CLOCK: variants seen among roughly 807,000 people sequenced by gnomAD.
CLOCK encodes clock circadian regulator.
In CLOCK, 43 loss-of-function variants were observed where a neutral mutation model predicts 118.4. The ratio of observed to expected loss-of-function variants is 0.36; its 90% confidence interval spans 0.28 to 0.47. The LOEUF (loss-of-function observed/expected upper bound fraction) is 0.47. CLOCK is among the 20% of genes least tolerant of loss of function. The pLI is 1.00. For synonymous variants in CLOCK, 326 were observed against 339.2 expected, an observed-to-expected ratio of 0.96 and a Z score of 0.43; for missense variants, 846 against 999.9, an observed-to-expected ratio of 0.85 and a Z score of 2.08.
chr4:55,463,777 T>C lies in CLOCK; in HGVS notation c.467A>G (p.Asn156Ser). 2 of 1,611,316 alleles carry C rather than the reference T, an allele frequency of 1.2e-6. No individual in the cohort carries two copies. The highest frequency in any genetic ancestry group is 2.2e-5 in the South Asian group (2 of 90,974). Residue 156 changes from asparagine to serine, a missense_variant, in exon 9 of 23, where the codon AAT becomes AGT. Asn to Ser is a conservative substitution (Grantham distance 46). Around this residue, in one of 4 missense-constraint regions of CLOCK, gnomAD observed 246 missense variants for 300.2 expected, o/e 0.82. Transcript: ENST00000513440. ...PSDLVDQSIF[N>S]FIPEGEHSEV... The stretch of plus-strand genomic sequence containing the variant: ...TGAATGTTCCCCTTCTGGGATAAAA[T>C]TAAATATACTTTGATCCACAAGATC...
chr4:55,473,587 AAT>A (rs1726292014), intron 7 of CLOCK, among the ~76,000 whole-genome samples: 1 of 152,172 alleles, frequency 6.6e-6, no homozygotes, highest in African/African-American at 2.4e-5. Flanking sequence ...ACGTGGCTAT[AAT>A]CTATTTATAC....
intron 1 of CLOCK, among the ~76,000 whole-genome samples, chr4:55,510,490 G>C (rs1729069840): frequency 6.6e-6 from 1 of 152,052 alleles, no homozygotes; most frequent in African/African-American, 2.4e-5. Context: ...AGCCAGGCAT[G>C]GTGGCATGCA....
intron 19 of CLOCK, 76 bp downstream of exon 19, chr4:55,444,557 A>G: frequency 6.4e-7 from 1 of 1,572,310 alleles, no homozygotes; most frequent in Non-Finnish European, 8.7e-7. Flanking sequence ...CTCACTTTTA[A>G]TTAAGAAAAG....
intron 2 of CLOCK, among the ~76,000 whole-genome samples, chr4:55,499,074 T>C (rs1477650113): frequency 6.6e-6 from 1 of 152,234 alleles, no homozygotes; most frequent in Non-Finnish European, 1.5e-5. Flanking sequence ...AGAACTATTT[T>C]TACACTCCTT....
intron 2 of CLOCK, among the ~76,000 whole-genome samples, chr4:55,505,534 C>T (rs182492503): frequency 4.6e-5 from 7 of 151,866 alleles, no homozygotes; most frequent in South Asian, 4.2e-4. Flanking sequence ...TGTTGTGGCA[C>T]GTGCCTATGG....
chr4:55,525,959 A>G (rs770315302), intron 1 of CLOCK, among the ~76,000 whole-genome samples: 6 of 152,160 alleles, frequency 3.9e-5, no homozygotes, highest in Non-Finnish European at 1.5e-5. Context: ...GAGTATCCCT[A>G]ATACAAAAAT....
chr4:55,532,198 T>C (rs891354697), intron 1 of CLOCK, among the ~76,000 whole-genome samples: 1 of 152,042 alleles, frequency 6.6e-6, no homozygotes, highest in Non-Finnish European at 1.5e-5. Context: ...TATATGAATA[T>C]CCCACAGCTA....
At chr4:55,530,774 C>CAAAAAAAAAAAAAAAAAAAAAAAA (rs60810379) in intron 1 of CLOCK, among the ~76,000 whole-genome samples, 3 of 33,044 alleles carry the variant, frequency 9.1e-5, no homozygotes, top group African/African-American at 2.8e-4. Flanking sequence ...GACTCCATCG[C>CAAAAAAAAAAAAAAAAAAAAAAAA]AAAAAAAAAA....
At chr4:55,478,244 CTTTAT>C (rs1726663017) in intron 6 of CLOCK, among the ~76,000 whole-genome samples, 1 of 151,954 alleles carries the variant, frequency 6.6e-6, no homozygotes, top group South Asian at 2.1e-4. Context: ...TTAACAAATA[CTTTAT>C]TTTATAGTGT....
chr4:55,519,145 G>C (rs73153688), intron 1 of CLOCK, among the ~76,000 whole-genome samples: 3,956 of 152,098 alleles, frequency 0.026, 174 homozygotes, highest in African/African-American at 0.092. Flanking sequence ...TCAAACTCCT[G>C]GGCTCAAGTG....
At chr4:55,494,332 T>G (rs1727910544) in intron 2 of CLOCK, among the ~76,000 whole-genome samples, 1 of 152,178 alleles carries the variant, frequency 6.6e-6, no homozygotes, top group Non-Finnish European at 1.5e-5. Context: ...TCCCTGGACC[T>G]TATGAAGATG....
At chr4:55,543,778 A>AC (rs1446936719) in intron 1 of CLOCK, among the ~76,000 whole-genome samples, 1 of 145,482 alleles carries the variant, frequency 6.9e-6, no homozygotes, top group East Asian at 2.0e-4. Flanking sequence ...CTCCGTCTCC[A>AC]AAAAAAAAAA....
At chr4:55,499,596 C>A (rs557915118) in intron 2 of CLOCK, among the ~76,000 whole-genome samples, 1 of 152,224 alleles carries the variant, frequency 6.6e-6, no homozygotes, top group African/African-American at 2.4e-5. Context: ...GGAGCTCAGG[C>A]GCTAATGCTC....
At chr4:55,506,173 C>T (rs990464888) in intron 2 of CLOCK, among the ~76,000 whole-genome samples, 1 of 152,222 alleles carries the variant, frequency 6.6e-6, no homozygotes. Context: ...CATGTCTACC[C>T]AGACTTCTTT....
chr4:55,514,527 A>AT (rs1306760165), intron 1 of CLOCK, among the ~76,000 whole-genome samples: 1 of 144,580 alleles, frequency 6.9e-6, no homozygotes, highest in Non-Finnish European at 1.5e-5. Flanking sequence ...TGAGCTGTAG[A>AT]TTTTTTTAAT....
At chr4:55,479,409 G>A (rs1726759319) in intron 5 of CLOCK, among the ~76,000 whole-genome samples, 2 of 152,090 alleles carry the variant, frequency 1.3e-5, no homozygotes, top group Admixed American at 1.3e-4. Context: ...CTGCTTTGAA[G>A]TCAGATTTTC....
intron 11 of CLOCK, among the ~76,000 whole-genome samples, chr4:55,457,697 A>G (rs1292726937): frequency 2.0e-5 from 3 of 152,198 alleles, no homozygotes; most frequent in Non-Finnish European, 4.4e-5. Context: ...TAGTCATACT[A>G]AACAATGTAT....
At chr4:55,436,930 T>G (rs577650396) in intron 22 of CLOCK, among the ~76,000 whole-genome samples, 1 of 150,524 alleles carries the variant, frequency 6.6e-6, no homozygotes, top group Non-Finnish European at 1.5e-5. Context: ...TTTATTCTTT[T>G]AAGGGCCTTT....
rs1327207516 is a variant in CLOCK at position 55,453,440 on chromosome 4, G to A, written c.1130+237C>T. On this transcript the variant is annotated intron_variant, in intron 14 of 22. Transcript: ENST00000513440. ...ACATGACTGACATTACTACATAAAT[G>A]ACAGTAACAACTTCTGCTGTAAAGC... 17 of 483,070 alleles carry A rather than the reference G, an allele frequency of 3.5e-5. No individual in the cohort carries two copies. The East Asian group carries it at 4.9e-4, about 14-fold the overall frequency. The allele number at this position is 483,070 out of a possible 1,614,324, so 29.9% of individuals were successfully genotyped here. A position where few individuals can be genotyped will look rare whatever the true frequency, so the allele number is the denominator to read the frequency against.
Sources: allele counts gnomAD v4.1 joint callset (sites outside exome capture counted in the v4.1 genomes callset), GRCh38; gene constraint gnomAD v4.1.1; regional missense constraint gnomAD v4.1.1; transcripts MANE v1.5; gene names NCBI Gene and HGNC (gene_info 2026-07-23, HGNC 2026-07-21).